Variants in SV2C observed in about 807,000 individuals in gnomAD.
SV2C encodes synaptic vesicle glycoprotein 2C.
A neutral mutation model predicts 79.7 loss-of-function variants in SV2C; 49 were observed. That is an observed-to-expected ratio of 0.61 (90% CI 0.49 to 0.78). SV2C has a LOEUF of 0.78. SV2C is among the 30% of genes least tolerant of loss of function. SV2C has a pLI of 0.00. For missense variants in SV2C, 833 were observed against 912.9 expected, an observed-to-expected ratio of 0.91 and a Z score of 1.13; for synonymous variants, 334 against 333.2, an observed-to-expected ratio of 1.00 and a Z score of -0.03.
the SV2C span, among the ~76,000 whole-genome samples, chr5:75,977,934 C>T: frequency 6.6e-6 from 1 of 152,194 alleles, no homozygotes; most frequent in Non-Finnish European, 1.5e-5. Context: ...TTTCAAAAAG[C>T]CATTCCTGGG....
the SV2C span, among the ~76,000 whole-genome samples, chr5:75,896,655 A>C: frequency 1.3e-5 from 2 of 151,718 alleles, no homozygotes; most frequent in Non-Finnish European, 2.9e-5. Context: ...TGACTTCCAC[A>C]ATGGTTGAAC....
intron 4 of SV2C, among the ~76,000 whole-genome samples, chr5:76,275,359 C>T (rs1383576392): frequency 2.0e-5 from 3 of 151,894 alleles, no homozygotes; most frequent in African/African-American, 4.8e-5. Context: ...TGGTGGCGGG[C>T]GCCTGTAGTC....
chr5:75,932,159 C>T, the SV2C span, among the ~76,000 whole-genome samples: 1 of 152,222 alleles, frequency 6.6e-6, no homozygotes, highest in African/African-American at 2.4e-5. Context: ...CAGTCAGCCC[C>T]TGCAGGCTGG....
chr5:76,063,544 T>C, the SV2C span, among the ~76,000 whole-genome samples: 4 of 152,122 alleles, frequency 2.6e-5, no homozygotes, highest in Non-Finnish European at 5.9e-5. Context: ...CCAGGAGATC[T>C]TCACTTGAGC....
intron 4 of SV2C, among the ~76,000 whole-genome samples, chr5:76,270,359 G>A (rs116240200): frequency 0.017 from 2,663 of 152,270 alleles, 75 homozygotes; most frequent in African/African-American, 0.058. Flanking sequence ...TGCTTTGGGG[G>A]AAAGCCCCGT....
chr5:76,123,643 T>A (rs114263413), intron 1 of SV2C, among the ~76,000 whole-genome samples: 3,290 of 152,282 alleles, frequency 0.022, 118 homozygotes, highest in African/African-American at 0.074. Context: ...ATTATCTCAA[T>A]GGATGCAGAA....
At chr5:76,171,577 C>T (rs1176016436) in intron 2 of SV2C, among the ~76,000 whole-genome samples, 4 of 144,468 alleles carry the variant, frequency 2.8e-5, no homozygotes, top group African/African-American at 5.0e-5. Flanking sequence ...GGAGCGTCTC[C>T]GCCGGGCAGC....
At chr5:75,921,332 A>G in the SV2C span, 1 of 1,144,374 alleles carries the variant, frequency 8.7e-7, no homozygotes, top group Non-Finnish European at 1.3e-6. Flanking sequence ...GGTGGAGCTC[A>G]CATCCACATG....
chr5:75,911,634 C>A, the SV2C span: 3 of 703,172 alleles, frequency 4.3e-6, no homozygotes, highest in South Asian at 4.3e-5. Flanking sequence ...ATGAAAACAT[C>A]CACAATCAGA....
rs551793814 is a variant in SV2C, at chr5:76,095,540, A to T, written c.-102+12028A>T. ...TCTTGTATCTAATTGTATTTATTTC[A>T]TTGCTTTGACTTCTCAGGTCAGTCA... On this transcript the variant is annotated intron_variant, in intron 1 of 12. Transcript: ENST00000502798. Among the ~76,000 whole-genome samples, 3 of 152,126 alleles carry T rather than the reference A, an allele frequency of 2.0e-5. No individual in the cohort carries two copies. The East Asian group carries it at 5.8e-4, about 29-fold the overall frequency.
chr5:76,174,143 A>G (rs1297972927), intron 2 of SV2C: 2 of 1,611,810 alleles, frequency 1.2e-6, no homozygotes, highest in South Asian at 2.2e-5. Flanking sequence ...AGACTTTCCA[A>G]CGCCTCGTGA....
At chr5:76,261,793 C>T (rs993878755) in intron 4 of SV2C, among the ~76,000 whole-genome samples, 1 of 152,100 alleles carries the variant, frequency 6.6e-6, no homozygotes, top group South Asian at 2.1e-4. Flanking sequence ...GGGATGAAGC[C>T]GACTTGATCG....
intron 4 of SV2C, among the ~76,000 whole-genome samples, chr5:76,266,308 A>G (rs1452624856): frequency 6.6e-6 from 1 of 152,120 alleles, no homozygotes; most frequent in Non-Finnish European, 1.5e-5. Flanking sequence ...CCCAGGATCA[A>G]GGGACTCTCC....
chr5:76,059,960 C>A, the SV2C span, among the ~76,000 whole-genome samples: 1 of 152,066 alleles, frequency 6.6e-6, no homozygotes, highest in African/African-American at 2.4e-5. Context: ...TTGTATATCT[C>A]CATCAGAGCT....
chr5:76,340,261 A>G (rs1251298697), intron 12 of SV2C, among the ~76,000 whole-genome samples: 1 of 152,246 alleles, frequency 6.6e-6, no homozygotes, highest in African/African-American at 2.4e-5. Flanking sequence ...TTTAGCATAT[A>G]AGTAAGAAAT....
the SV2C span, among the ~76,000 whole-genome samples, chr5:75,888,952 G>A: frequency 2.6e-5 from 4 of 152,124 alleles, no homozygotes; most frequent in Admixed American, 1.3e-4. Context: ...GATGTCAGCA[G>A]GGTTGTTTTC....
chr5:76,241,113 C>A (rs1157902872), intron 4 of SV2C, among the ~76,000 whole-genome samples: 1 of 152,008 alleles, frequency 6.6e-6, no homozygotes, highest in Non-Finnish European at 1.5e-5. Flanking sequence ...CACGCCACCA[C>A]ACCCAGCTAA....
the SV2C span, among the ~76,000 whole-genome samples, chr5:75,992,824 GA>G: frequency 6.6e-6 from 1 of 152,042 alleles, no homozygotes. Flanking sequence ...GGGGCAGTGA[GA>G]ATGTCAGCAC....
chr5:76,273,601 T>A (rs1012726987), intron 4 of SV2C, among the ~76,000 whole-genome samples: 2 of 152,156 alleles, frequency 1.3e-5, no homozygotes, highest in African/African-American at 4.8e-5. Context: ...AGAGGCATAA[T>A]GTGACTTCCT....
Sources: gnomAD v4.1 joint callset for allele counts (sites outside exome capture counted in the v4.1 genomes callset) on GRCh38, gnomAD v4.1.1 for gene constraint, MANE v1.5 for transcripts, NCBI Gene and HGNC (gene_info 2026-07-23, HGNC 2026-07-21) for gene names.